EVL: variants seen among roughly 807,000 people sequenced by gnomAD.
EVL encodes the protein Enah/Vasp-like.
Under a neutral mutation model 59.6 loss-of-function variants are expected in EVL, and 21 were observed. The ratio of observed to expected loss-of-function variants is 0.35; its 90% CI spans 0.25 to 0.51. EVL has a LOEUF of 0.51. EVL is among the 20% of genes least tolerant of loss of function. The pLI is 0.97. For synonymous variants in EVL, 198 were observed against 203.5 expected, an observed-to-expected ratio of 0.97 and a Z score of 0.23; for missense variants, 462 against 546.6, an observed-to-expected ratio of 0.85 and a Z score of 1.54.
chr14:100,089,736 A>G (rs1337038516), intron 2 of EVL, among the ~76,000 whole-genome samples: 1 of 152,188 alleles, frequency 6.6e-6, no homozygotes, highest in Non-Finnish European at 1.5e-5. Context: ...ATCCTGGTCA[A>G]TATAGTGGGA....
chr14:100,014,518 T>C (rs1225177048), intron 1 of EVL, among the ~76,000 whole-genome samples: 1 of 152,236 alleles, frequency 6.6e-6, no homozygotes, highest in African/African-American at 2.4e-5. Flanking sequence ...ACATTTTCTT[T>C]ATCCAGTCAT....
chr14:100,050,559 G>C (rs1021422806), intron 1 of EVL, among the ~76,000 whole-genome samples: 1 of 151,510 alleles, frequency 6.6e-6, no homozygotes, highest in Non-Finnish European at 1.5e-5. Flanking sequence ...CCGTGGTCTC[G>C]ATCTCCTGAC....
At chr14:100,061,403 CAAAAAAAAAA>C (rs56656380), upstream of EVL, among the ~76,000 whole-genome samples, 18 of 19,094 alleles carry the variant, frequency 9.4e-4, no homozygotes, top group South Asian at 6.0e-3. Flanking sequence ...GACCCTGTCT[CAAAAAAAAAA>C]AAAAAAAAAA....
intron 1 of EVL, among the ~76,000 whole-genome samples, chr14:100,058,026 A>C (rs764967017): frequency 6.0e-4 from 92 of 152,234 alleles, no homozygotes; most frequent in Non-Finnish European, 1.1e-3. Flanking sequence ...TTGTTAGTGA[A>C]AGACCCTTTC....
intron 3 of EVL, among the ~76,000 whole-genome samples, chr14:100,100,475 C>T (rs755714217): frequency 1.3e-5 from 2 of 152,134 alleles, no homozygotes; most frequent in Non-Finnish European, 2.9e-5. Context: ...ACTGTTAACA[C>T]GTGTGTGCGC....
chr14:100,105,985 C>G (rs909944888), intron 3 of EVL: 1 of 152,286 alleles, frequency 6.6e-6, no homozygotes, highest in Admixed American at 6.5e-5. Context: ...CAGCCTTTGC[C>G]TCGCATGTGG....
intron 3 of EVL, among the ~76,000 whole-genome samples, chr14:100,115,932 T>A (rs1232461931): frequency 6.6e-6 from 1 of 152,162 alleles, no homozygotes; most frequent in African/African-American, 2.4e-5. Context: ...TGCAGAGCTG[T>A]TTGTTTATTA....
intron 1 of EVL, among the ~76,000 whole-genome samples, chr14:100,070,076 A>AAAAG (rs962484141): frequency 2.0e-5 from 3 of 151,238 alleles, no homozygotes; most frequent in African/African-American, 7.3e-5. Flanking sequence ...AAAAAAAAAA[A>AAAAG]AAAGAAAGAA....
intron 1 of EVL, among the ~76,000 whole-genome samples, chr14:100,021,674 C>G (rs2061127113): frequency 6.6e-6 from 1 of 152,178 alleles, no homozygotes; most frequent in South Asian, 2.1e-4. Context: ...TTGAGTAGAT[C>G]TGGGGCGAGG....
rs756318037 is a variant in EVL at position 100,016,078 on chromosome 14, C to CA, written c.5+44039dup. Among the ~76,000 whole-genome samples, 540 of 90,040 alleles carry CA rather than the reference C, an allele frequency of 6.0e-3. 6 individuals carry two copies. In the South Asian group the frequency reaches 0.066, roughly 11 times the overall value. The allele number at this position is 90,040 out of a possible 152,430, so 59.1% of individuals were successfully genotyped here. On this transcript the variant is annotated intron_variant, in intron 1 of 13. Transcript: ENST00000402714. ...TGCGTGACAGAGTAAGACTCTGTCTCAAAAAAAAAAAAAAAAAATTAATTA... is the reference window on the plus strand; with the variant it reads ...TGCGTGACAGAGTAAGACTCTGTCTCAAAAAAAAAAAAAAAAAAATTAATTA...
At chr14:100,019,091 G>A (rs996951914) in intron 1 of EVL, among the ~76,000 whole-genome samples, 1 of 152,236 alleles carries the variant, frequency 6.6e-6, no homozygotes, top group African/African-American at 2.4e-5. Context: ...TTATGCATTT[G>A]TGCTAAAATA....
At chr14:100,048,644 C>T (rs576297974) in intron 1 of EVL, among the ~76,000 whole-genome samples, 1 of 152,326 alleles carries the variant, frequency 6.6e-6, no homozygotes, top group African/African-American at 2.4e-5. Flanking sequence ...TGAAAGCTTA[C>T]GTTCGTGACC....
intron 1 of EVL, among the ~76,000 whole-genome samples, chr14:100,054,382 T>C (rs117882858): frequency 0.03 from 4,576 of 152,250 alleles, 113 homozygotes; most frequent in Non-Finnish European, 0.047. Context: ...GCGGCCATGT[T>C]GGCTGGGGAA....
chr14:100,019,672 C>T, intron 1 of EVL: 1 of 1,533,446 alleles, frequency 6.5e-7, no homozygotes, highest in East Asian at 2.5e-5. Flanking sequence ...GTCATGTTTG[C>T]ATTTGAAGAA....
intron 3 of EVL, among the ~76,000 whole-genome samples, chr14:100,100,816 T>C (rs1311685362): frequency 1.3e-5 from 2 of 148,158 alleles, no homozygotes; most frequent in Non-Finnish European, 3.0e-5. Flanking sequence ...AAAATGGAAG[T>C]ATGAACCTTC....
At chr14:100,125,169 T>TACAC (rs34405834) in intron 4 of EVL, among the ~76,000 whole-genome samples, 5,702 of 103,142 alleles carry the variant, frequency 0.055, 708 homozygotes, top group African/African-American at 0.19. Flanking sequence ...AAGGCAGGAA[T>TACAC]ACACACACAC....
chr14:100,135,558 C>T lies in EVL; in HGVS notation c.901-347C>T, dbSNP rs1390454412. ...TGCACAGGGGGAGCAGGCCAGTCCACGGGGTGCTCATGAGAAGTCAGTGAG... is the reference window on the plus strand; with the variant it reads ...TGCACAGGGGGAGCAGGCCAGTCCATGGGGTGCTCATGAGAAGTCAGTGAG... On this transcript the variant is annotated intron_variant, in intron 8 of 13. Transcript: ENST00000392920. 36 of 283,400 alleles carry T rather than the reference C, an allele frequency of 1.3e-4. 1 individual carries two copies. In the Admixed American group the frequency reaches 1.6e-3, roughly 12 times the overall value. 17.6% of individuals were successfully genotyped at this position (283,400 alleles called of 1,614,324 possible).
At chr14:100,036,969 C>T (rs190217946) in intron 1 of EVL, among the ~76,000 whole-genome samples, 8 of 152,272 alleles carry the variant, frequency 5.3e-5, no homozygotes, top group Non-Finnish European at 1.0e-4. Context: ...TGCTCATGCT[C>T]AGAGGAAAGG....
intron 1 of EVL, among the ~76,000 whole-genome samples, chr14:100,009,570 C>T (rs2061003367): frequency 6.6e-6 from 1 of 152,130 alleles, no homozygotes; most frequent in Non-Finnish European, 1.5e-5. Context: ...GTTCCCTAAC[C>T]TCTGTGGAAA....
Sources: allele counts gnomAD v4.1 joint callset (sites outside exome capture counted in the v4.1 genomes callset), GRCh38; gene constraint gnomAD v4.1.1; transcripts MANE v1.5; gene names NCBI Gene and HGNC (gene_info 2026-07-23, HGNC 2026-07-21).